YAP1: variants seen among roughly 807,000 people sequenced by gnomAD.
YAP1 encodes the protein Yes1 associated transcriptional regulator, also known as transcriptional coactivator YAP1.
In YAP1, 5 loss-of-function variants were observed where a neutral mutation model predicts 56.9. The ratio of observed to expected loss-of-function variants is 0.09; its 90% confidence interval spans 0.05 to 0.18. The LOEUF (loss-of-function observed/expected upper bound fraction) is 0.18, where lower values mean the gene tolerates loss of function less well. Among genes scored for constraint, YAP1 ranks in the 10% least tolerant of loss-of-function variants. The pLI, the probability that YAP1 is intolerant of heterozygous loss-of-function variation, is 1.00. For missense variants in YAP1, 539 were observed against 651.8 expected, an observed-to-expected ratio of 0.83 and a Z score of 1.88; for synonymous variants, 265 against 248.1, an observed-to-expected ratio of 1.07 and a Z score of -0.64.
At chr11:102,196,980 C>T (rs779820476) in intron 4 of YAP1, among the ~76,000 whole-genome samples, 1 of 152,056 alleles carries the variant, frequency 6.6e-6, no homozygotes, top group Non-Finnish European at 1.5e-5. Context: ...CACTTTATAG[C>T]GACTCTCTAT....
chr11:102,176,956 T>C (rs966203959), intron 3 of YAP1, among the ~76,000 whole-genome samples: 2 of 151,928 alleles, frequency 1.3e-5, no homozygotes, highest in African/African-American at 4.8e-5. Flanking sequence ...TAGAATCATC[T>C]TACCAGAGAG....
intron 3 of YAP1, among the ~76,000 whole-genome samples, chr11:102,175,435 T>C (rs908227974): frequency 2.0e-5 from 3 of 152,172 alleles, no homozygotes; most frequent in African/African-American, 7.2e-5. Flanking sequence ...AAACTTGATG[T>C]ATAGACTGCC....
At chr11:102,191,445 G>A (rs1264210975) in intron 4 of YAP1, among the ~76,000 whole-genome samples, 3 of 151,682 alleles carry the variant, frequency 2.0e-5, no homozygotes, top group Non-Finnish European at 2.9e-5. Flanking sequence ...TTATACCCAA[G>A]GTTATATAGT....
At position 102,114,314 on chromosome 11, in the gene YAP1, T is replaced by C. The variant is rs772546378; in HGVS notation, c.492T>C (p.Ser164=). The change falls in exon 2 of 9, where the codon TCT becomes TCC. Residue 164 remains serine (S), a synonymous_variant. Coordinates refer to ENST00000282441, the MANE Select transcript of YAP1 (RefSeq NM_001130145.3). The part of the protein sequence containing the change: ...TPTAQHLRQS[S]FEIPDDVPLP... ...CAGCTCAGCATCTTCGACAGTCTTCTTTTGAGATACCTGATGATGTACCTC... is the reference window on the plus strand; with the variant it reads ...CAGCTCAGCATCTTCGACAGTCTTCCTTTGAGATACCTGATGATGTACCTC... 1 of 1,614,160 alleles carries C rather than the reference T, an allele frequency of 6.2e-7. No homozygotes were observed. Among genetic ancestry groups the C allele is most frequent in the Non-Finnish European group, 8.5e-7 (1 of 1,180,010 alleles).
chr11:102,154,228 G>T (rs1945821994), intron 2 of YAP1, among the ~76,000 whole-genome samples: 1 of 152,118 alleles, frequency 6.6e-6, no homozygotes, highest in Non-Finnish European at 1.5e-5. Flanking sequence ...CTAGTTTTCA[G>T]CCTGAACAAA....
intron 2 of YAP1, among the ~76,000 whole-genome samples, chr11:102,120,480 A>G (rs1943583269): frequency 6.6e-6 from 1 of 152,134 alleles, no homozygotes; most frequent in African/African-American, 2.4e-5. Flanking sequence ...TCTACCAGAT[A>G]TTTTCAGTGC....
rs185864733 is a variant in YAP1, at chr11:102,170,830, A to G, written c.688+8259A>G. 6.4e-4 allele frequency among the ~76,000 whole-genome samples: 98 copies of G among 152,060 alleles called. 1 individual carries two copies. Among genetic ancestry groups the G allele is most frequent in the African/African-American group, 2.3e-3 (95 of 41,488 alleles). On this transcript the variant is annotated intron_variant, in intron 3 of 8. Transcript: ENST00000282441. ...CTAAAAATACAAAAATTAGCCAGGT[A>G]TGATGGTGGGTGCCTGTAATCCCAG...
intron 2 of YAP1, among the ~76,000 whole-genome samples, chr11:102,116,533 T>A (rs1252019945): frequency 6.6e-6 from 1 of 152,168 alleles, no homozygotes; most frequent in African/African-American, 2.4e-5. Context: ...GTATATACCT[T>A]CCAACCCCAG....
intron 2 of YAP1, among the ~76,000 whole-genome samples, chr11:102,138,075 CAG>C (rs1591191426): frequency 6.6e-6 from 1 of 152,108 alleles, no homozygotes; most frequent in East Asian, 1.9e-4. Context: ...TTAGTAGAGA[CAG>C]GGTTTCGCCA....
intron 6 of YAP1, among the ~76,000 whole-genome samples, chr11:102,216,887 T>C (rs1226424263): frequency 6.6e-6 from 1 of 152,186 alleles, no homozygotes; most frequent in Non-Finnish European, 1.5e-5. Context: ...GTCAAATAGT[T>C]TTTTTCTAAC....
chr11:102,193,350 T>C (rs565735847), intron 4 of YAP1, among the ~76,000 whole-genome samples: 43 of 152,222 alleles, frequency 2.8e-4, no homozygotes, highest in African/African-American at 9.9e-4. Flanking sequence ...TTCAGTAGGA[T>C]ATATTCTAAA....
intron 5 of YAP1, among the ~76,000 whole-genome samples, chr11:102,206,580 T>TC (rs1949132137): frequency 6.6e-6 from 1 of 152,222 alleles, no homozygotes; most frequent in African/African-American, 2.4e-5. Context: ...GTGCGGTGGC[T>TC]CATGCCTGTA....
chr11:102,188,261 C>G (rs569172384), intron 4 of YAP1, among the ~76,000 whole-genome samples: 1 of 152,084 alleles, frequency 6.6e-6, no homozygotes, highest in Non-Finnish European at 1.5e-5. Context: ...GTTTGCTTTT[C>G]GATATTCTTC....
intron 2 of YAP1, among the ~76,000 whole-genome samples, chr11:102,154,809 CA>C (rs1255177007): frequency 9.8e-5 from 15 of 152,286 alleles, no homozygotes; most frequent in Admixed American, 9.8e-4. Context: ...GTGTTACTAA[CA>C]GTTGAAAACT....
At chr11:102,141,767 C>T (rs1442778574) in intron 2 of YAP1, among the ~76,000 whole-genome samples, 3 of 152,160 alleles carry the variant, frequency 2.0e-5, no homozygotes, top group Admixed American at 6.5e-5. Flanking sequence ...GCTTATTCTC[C>T]TCCACTAGAT....
chr11:102,152,432 C>T (rs1346384098), intron 2 of YAP1, among the ~76,000 whole-genome samples: 1 of 152,172 alleles, frequency 6.6e-6, no homozygotes, highest in Admixed American at 6.5e-5. Flanking sequence ...TCTGTAGATT[C>T]GCCTCGATTT....
intron 7 of YAP1, among the ~76,000 whole-genome samples, chr11:102,224,883 C>T (rs899883273): frequency 6.6e-6 from 1 of 152,176 alleles, no homozygotes; most frequent in African/African-American, 2.4e-5. Flanking sequence ...AGGAAAATTT[C>T]ATATCCATGT....
At chr11:102,203,782 A>G (rs1199884225) in intron 4 of YAP1, among the ~76,000 whole-genome samples, 1 of 152,226 alleles carries the variant, frequency 6.6e-6, no homozygotes, top group African/African-American at 2.4e-5. Flanking sequence ...GGAATAGAAC[A>G]GTCATGAATT....
intron 6 of YAP1, among the ~76,000 whole-genome samples, chr11:102,217,884 A>G: frequency 6.6e-6 from 1 of 152,092 alleles, no homozygotes; most frequent in Non-Finnish European, 1.5e-5. Context: ...TATTTTTAGT[A>G]GAGACGGGGT....
Sources: gnomAD v4.1 joint callset for allele counts (sites outside exome capture counted in the v4.1 genomes callset) on GRCh38, gnomAD v4.1.1 for gene constraint, MANE v1.5 for transcripts, NCBI Gene and HGNC (gene_info 2026-07-23, HGNC 2026-07-21) for gene names.